LRTM1: variants seen among roughly 807,000 people sequenced by gnomAD.
LRTM1 encodes the protein leucine rich repeat transmembrane protein 1.
A neutral mutation model predicts 32.4 loss-of-function variants in LRTM1; 38 were observed. The ratio of observed to expected loss-of-function variants is 1.17; its 90% CI spans 0.91 to 1.54. LRTM1 has a LOEUF of 1.54. Ranked by LOEUF, LRTM1 falls within the 40% of genes most tolerant of loss-of-function variation. The probability of loss-of-function intolerance (pLI) is 0.00; values close to 1 mark genes in which losing one functional copy is unlikely to be tolerated. For synonymous variants in LRTM1, 186 were observed against 169.9 expected, an observed-to-expected ratio of 1.09 and a Z score of -0.74; for missense variants, 466 against 415.4, an observed-to-expected ratio of 1.12 and a Z score of -1.06.
rs759127948 is a variant in LRTM1, at chr3:54,924,609, C to T, written c.604+10G>A. On this transcript the variant is annotated intron_variant, in intron 2 of 2. Transcript: ENST00000273286. ...ACACAGATGGGGGGTTCCAAATAGACATGACTGACCTTTATAGACAAATTT... is the reference window on the plus strand; with the variant it reads ...ACACAGATGGGGGGTTCCAAATAGATATGACTGACCTTTATAGACAAATTT... 5 of 1,603,782 alleles carry T rather than the reference C, an allele frequency of 3.1e-6. No individual in the cohort carries two copies. In the African/African-American group the frequency reaches 4.0e-5, roughly 13 times the overall value.
intron 1 of LRTM1, among the ~76,000 whole-genome samples, chr3:54,926,061 A>G (rs1701004828): frequency 6.6e-6 from 1 of 152,182 alleles, no homozygotes; most frequent in African/African-American, 2.4e-5. Flanking sequence ...GCAATGCATT[A>G]CTTATGCAGT....
intron 1 of LRTM1, among the ~76,000 whole-genome samples, chr3:54,964,805 G>A (rs1702107150): frequency 6.6e-6 from 1 of 151,546 alleles, no homozygotes; most frequent in Admixed American, 6.6e-5. Flanking sequence ...TGTTGGGGGA[G>A]AGGGTTATTC....
intron 1 of LRTM1, among the ~76,000 whole-genome samples, chr3:54,953,424 G>A (rs1575403448): frequency 6.6e-6 from 1 of 152,280 alleles, no homozygotes. Context: ...TGAGACTCAT[G>A]AAATTCCCCA....
intron 1 of LRTM1, among the ~76,000 whole-genome samples, chr3:54,951,345 C>A (rs1309251177): frequency 6.6e-6 from 1 of 152,194 alleles, no homozygotes; most frequent in African/African-American, 2.4e-5. Flanking sequence ...TTTCACAGCA[C>A]TATAGTAATG....
At chr3:54,942,668 C>T (rs939357962) in intron 1 of LRTM1, among the ~76,000 whole-genome samples, 4 of 152,034 alleles carry the variant, frequency 2.6e-5, no homozygotes, top group African/African-American at 9.7e-5. Context: ...CCAGAAGGAT[C>T]ATTTGAGGAC....
At chr3:54,955,009 G>A (rs1375422943) in intron 1 of LRTM1, among the ~76,000 whole-genome samples, 1 of 152,194 alleles carries the variant, frequency 6.6e-6, no homozygotes, top group African/African-American at 2.4e-5. Context: ...GAGAGGTGTA[G>A]AGAAAACTTC....
chr3:54,948,770 A>G (rs1262140602), intron 1 of LRTM1, among the ~76,000 whole-genome samples: 1 of 152,242 alleles, frequency 6.6e-6, no homozygotes, highest in Non-Finnish European at 1.5e-5. Flanking sequence ...ATCTCTATAC[A>G]TGAAGATAAT....
intron 1 of LRTM1, among the ~76,000 whole-genome samples, chr3:54,946,091 A>G (rs908562664): frequency 5.9e-5 from 9 of 152,380 alleles, no homozygotes; most frequent in African/African-American, 1.9e-4. Context: ...TGCTAAGGAA[A>G]TAAAAAGCAG....
chr3:54,921,353 C>G (rs1211672477), intron 2 of LRTM1, among the ~76,000 whole-genome samples: 1 of 152,098 alleles, frequency 6.6e-6, no homozygotes, highest in Non-Finnish European at 1.5e-5. Context: ...TCTGAGGACT[C>G]AGTTGGATAA....
At chr3:54,949,725 T>C (rs571231186) in intron 1 of LRTM1, among the ~76,000 whole-genome samples, 9 of 152,324 alleles carry the variant, frequency 5.9e-5, no homozygotes, top group African/African-American at 2.2e-4. Flanking sequence ...GAACTGGTTT[T>C]GCAGGGGCAC....
intron 1 of LRTM1, among the ~76,000 whole-genome samples, chr3:54,939,479 G>C (rs1290058483): frequency 1.3e-5 from 2 of 152,200 alleles, no homozygotes; most frequent in Non-Finnish European, 2.9e-5. Flanking sequence ...CACCTTTGTA[G>C]GTTCCCGCTG....
chr3:54,965,807 G>A (rs532454075), intron 1 of LRTM1, among the ~76,000 whole-genome samples: 1 of 152,298 alleles, frequency 6.6e-6, no homozygotes, highest in South Asian at 2.1e-4. Flanking sequence ...TTGCAGCCAG[G>A]ACTATCCAGG....
chr3:54,932,886 A>C (rs571528795), upstream of LRTM1, among the ~76,000 whole-genome samples: 1 of 152,230 alleles, frequency 6.6e-6, no homozygotes, highest in Admixed American at 6.5e-5. Context: ...CCACAAATCC[A>C]TGCAGAAATT....
chr3:54,953,647 C>G (rs1331281101), intron 1 of LRTM1, among the ~76,000 whole-genome samples: 2 of 152,200 alleles, frequency 1.3e-5, no homozygotes, highest in Non-Finnish European at 2.9e-5. Context: ...CTAAAAGGTC[C>G]AGTTCCCCAG....
chr3:54,920,928 G>A (rs1700829449), intron 2 of LRTM1, among the ~76,000 whole-genome samples: 1 of 152,178 alleles, frequency 6.6e-6, no homozygotes, highest in African/African-American at 2.4e-5. Context: ...CAGAGCCAAG[G>A]AAATACCCAG....
chr3:54,950,613 G>A (rs894958749), intron 1 of LRTM1, among the ~76,000 whole-genome samples: 2 of 152,188 alleles, frequency 1.3e-5, no homozygotes, highest in African/African-American at 4.8e-5. Flanking sequence ...ACAGGAGAGT[G>A]GACCTGCACA....
chr3:54,952,022 T>C (rs1421266224), intron 1 of LRTM1, among the ~76,000 whole-genome samples: 3 of 152,118 alleles, frequency 2.0e-5, no homozygotes, highest in African/African-American at 7.2e-5. Context: ...CTAATTTTTG[T>C]CTTTTTAGTA....
intron 1 of LRTM1, 50 bp downstream of exon 1, chr3:54,927,855 A>C: frequency 6.2e-7 from 1 of 1,604,910 alleles, no homozygotes; most frequent in South Asian, 1.1e-5. Context: ...AGGGGATACC[A>C]TCTTTCTCCC....
intron 1 of LRTM1, among the ~76,000 whole-genome samples, chr3:54,952,386 G>T (rs1305556697): frequency 2.0e-5 from 3 of 152,140 alleles, no homozygotes; most frequent in Non-Finnish European, 2.9e-5. Flanking sequence ...AACATGAAGG[G>T]TCTGGAGGCT....
Sources: gnomAD v4.1 joint callset for allele counts (sites outside exome capture counted in the v4.1 genomes callset) on GRCh38, gnomAD v4.1.1 for gene constraint, MANE v1.5 for transcripts, NCBI Gene and HGNC (gene_info 2026-07-23, HGNC 2026-07-21) for gene names.